TAFA1: variants seen among roughly 807,000 people sequenced by gnomAD.
TAFA1 encodes the protein TAFA chemokine like family member 1, also known as chemokine-like protein TAFA-1.
In TAFA1, 4 loss-of-function variants were observed where a neutral mutation model predicts 18.5. That is an observed-to-expected ratio of 0.22 (90% CI 0.11 to 0.49). The LOEUF is 0.49. Ranked by LOEUF, TAFA1 falls within the 20% of genes least tolerant of loss-of-function variation. The pLI is 0.98. For missense variants in TAFA1, 147 were observed against 169.0 expected (o/e 0.87, Z 0.72); for synonymous variants, 56 against 55.2 (o/e 1.01, Z -0.06).
chr3:68,112,040 A>G (rs77347886), intron 2 of TAFA1, among the ~76,000 whole-genome samples: 5 of 152,162 alleles, frequency 3.3e-5, no homozygotes, highest in African/African-American at 9.7e-5. Flanking sequence ...ACTTCTGTCC[A>G]TTGCATCTTG....
chr3:68,422,639 A>G (rs979004394), intron 3 of TAFA1, among the ~76,000 whole-genome samples: 1 of 152,106 alleles, frequency 6.6e-6, no homozygotes, highest in Non-Finnish European at 1.5e-5. Flanking sequence ...CAAGAGTATA[A>G]TATATATTTG....
Position 68,363,854 on chromosome 3 carries a change from G to A in TAFA1, c.119-53426G>A, listed in dbSNP as rs532011640. ...AAACTGAAGACACAGGCAGCCTTGC[G>A]GGATTTCTCAAGGTTACAACATTGC... On this transcript the variant is annotated intron_variant, in intron 2 of 4. Coordinates refer to ENST00000478136, the MANE Select transcript of TAFA1 (RefSeq NM_213609.4). 1.3e-3 allele frequency among the ~76,000 whole-genome samples: 195 copies of A among 152,118 alleles called. 1 individual carries two copies. Among genetic ancestry groups the A allele is most frequent in the Non-Finnish European group, 2.3e-3 (157 of 68,008 alleles).
At chr3:68,543,975 A>G (rs564019060) in intron 4 of TAFA1, among the ~76,000 whole-genome samples, 62 of 152,174 alleles carry the variant, frequency 4.1e-4, no homozygotes, top group African/African-American at 1.1e-3. Flanking sequence ...AGCCCTCTAT[A>G]TCTTACAACA....
intron 2 of TAFA1, among the ~76,000 whole-genome samples, chr3:68,352,695 CAGT>C (rs1194452802): frequency 6.6e-6 from 1 of 152,014 alleles, no homozygotes; most frequent in African/African-American, 2.4e-5. Context: ...TGGTTTCTGT[CAGT>C]AGGAAGGCAG....
intron 2 of TAFA1, among the ~76,000 whole-genome samples, chr3:68,404,966 A>G (rs1288923138): frequency 6.6e-6 from 1 of 152,082 alleles, no homozygotes; most frequent in East Asian, 1.9e-4. Context: ...CTTCACTTCT[A>G]AGCCAACTCA....
At chr3:68,443,101 C>T (rs546939312) in intron 3 of TAFA1, among the ~76,000 whole-genome samples, 12 of 152,188 alleles carry the variant, frequency 7.9e-5, no homozygotes, top group African/African-American at 2.9e-4. Flanking sequence ...CCATCTACTT[C>T]GTAATTACCT....
intron 2 of TAFA1, among the ~76,000 whole-genome samples, chr3:68,278,174 G>A (rs142916310): frequency 2.0e-5 from 3 of 152,176 alleles, no homozygotes; most frequent in Non-Finnish European, 4.4e-5. Flanking sequence ...CAGTAGCTGT[G>A]AGTTTCTTTC....
At chr3:68,537,698 C>T (rs1476647813) in intron 3 of TAFA1, among the ~76,000 whole-genome samples, 2 of 152,058 alleles carry the variant, frequency 1.3e-5, no homozygotes, top group African/African-American at 2.4e-5. Context: ...TTTGCTGACT[C>T]TCTGAACAGC....
Position 68,465,343 on chromosome 3 carries a change from T to C in TAFA1, c.259+47923T>C, listed in dbSNP as rs551059928. Among the ~76,000 whole-genome samples, 146 of 152,240 alleles carry C rather than the reference T, an allele frequency of 9.6e-4. 1 individual carries two copies. Among genetic ancestry groups the C allele is most frequent in the African/African-American group, 3.2e-3 (135 of 41,550 alleles). On this transcript the variant is annotated intron_variant, in intron 3 of 4. Transcript: ENST00000478136. ...GAAAGACAGGAAGAATCTGAGTCTG[T>C]TGAGCATCAAAACTATATAACCATC...
intron 2 of TAFA1, among the ~76,000 whole-genome samples, chr3:68,145,970 C>T (rs1307915542): frequency 6.6e-6 from 1 of 152,186 alleles, no homozygotes; most frequent in African/African-American, 2.4e-5. Flanking sequence ...TTCTCTATCA[C>T]TGCCCTCCCT....
intron 3 of TAFA1, among the ~76,000 whole-genome samples, chr3:68,452,886 C>T (rs1385926885): frequency 6.6e-5 from 10 of 152,160 alleles, no homozygotes; most frequent in Admixed American, 3.9e-4. Flanking sequence ...AGTTCCTAAA[C>T]ACTGCATTCT....
intron 3 of TAFA1, among the ~76,000 whole-genome samples, chr3:68,487,718 C>T (rs1371038669): frequency 6.9e-6 from 1 of 145,792 alleles, no homozygotes; most frequent in Non-Finnish European, 1.5e-5. Flanking sequence ...CGCCACTGCA[C>T]TCCAGCCTGG....
At chr3:68,515,397 A>G (rs1394426170) in intron 3 of TAFA1, among the ~76,000 whole-genome samples, 1 of 152,210 alleles carries the variant, frequency 6.6e-6, no homozygotes, top group East Asian at 1.9e-4. Flanking sequence ...TGTTTCAGCC[A>G]GAAAGAGATG....
chr3:68,039,232 T>A (rs1705114450), intron 2 of TAFA1, among the ~76,000 whole-genome samples: 1 of 152,218 alleles, frequency 6.6e-6, no homozygotes, highest in South Asian at 2.1e-4. Flanking sequence ...TTAAAAAATG[T>A]TTTTCTCCAG....
intron 2 of TAFA1, among the ~76,000 whole-genome samples, chr3:68,386,319 C>T (rs116067067): frequency 0.022 from 3,395 of 152,246 alleles, 65 homozygotes; most frequent in South Asian, 0.052. Flanking sequence ...AGTTCACAAT[C>T]GTAATCATAT....
At chr3:68,427,658 C>G (rs936548198) in intron 3 of TAFA1, among the ~76,000 whole-genome samples, 5 of 151,746 alleles carry the variant, frequency 3.3e-5, no homozygotes, top group Non-Finnish European at 7.4e-5. Flanking sequence ...CCTACCACCC[C>G]CCCCATACAA....
chr3:68,080,363 T>C (rs530795106), intron 2 of TAFA1, among the ~76,000 whole-genome samples: 3 of 152,276 alleles, frequency 2.0e-5, no homozygotes, highest in African/African-American at 7.2e-5. Context: ...ATTATGAGGT[T>C]AGCTGGTTAT....
chr3:68,046,415 T>A (rs992543354), intron 2 of TAFA1, among the ~76,000 whole-genome samples: 27 of 152,294 alleles, frequency 1.8e-4, no homozygotes, highest in African/African-American at 6.3e-4. Flanking sequence ...TATTAAAAAA[T>A]TTTTCCATGA....
Position 68,450,194 on chromosome 3 carries a change from A to G in TAFA1, c.259+32774A>G, listed in dbSNP as rs564391736. ...GATTCATGATTCATTAGCTTTGAGG[A>G]TAATAGAGGAAAAGAGTGATTTGCC... On this transcript the variant is annotated intron_variant, in intron 3 of 4. Transcript: ENST00000478136. 2.6e-5 allele frequency among the ~76,000 whole-genome samples: 4 copies of G among 152,312 alleles called. No homozygotes were observed. The South Asian group carries it at 8.3e-4, about 32-fold the overall frequency.
Sources: gnomAD v4.1 joint callset for allele counts (sites outside exome capture counted in the v4.1 genomes callset) on GRCh38, gnomAD v4.1.1 for gene constraint, MANE v1.5 for transcripts, NCBI Gene and HGNC (gene_info 2026-07-23, HGNC 2026-07-21) for gene names.